Variants in TOM1L1 observed in about 807,000 individuals in gnomAD.
TOM1L1 encodes the protein target of myb1 like 1 membrane trafficking protein.
TOM1L1 carries 64 observed loss-of-function variants against 63.4 expected under a neutral mutation model. The ratio of observed to expected loss-of-function variants is 1.01; its 90% CI spans 0.83 to 1.24. The LOEUF is 1.24. Among genes scored for constraint, TOM1L1 ranks in the 50% most tolerant of loss-of-function variants. The probability of loss-of-function intolerance (pLI) is 0.00; values close to 1 mark genes in which losing one functional copy is unlikely to be tolerated. For synonymous variants in TOM1L1, 166 were observed against 194.4 expected (o/e 0.85, Z 1.22); for missense variants, 536 against 567.0 (o/e 0.95, Z 0.55).
At chr17:54,957,619 T>C (rs2144064116) in intron 14 of TOM1L1, 1 of 152,302 alleles carries the variant, frequency 6.6e-6, no homozygotes, top group South Asian at 2.1e-4. Context: ...CTCAGTTCTT[T>C]TGAAAGTCCC....
rs112593704 is a variant in TOM1L1, at chr17:54,905,239, A to G, written c.144-250A>G. 6.4e-3 allele frequency among the ~76,000 whole-genome samples: 977 copies of G among 152,322 alleles called. 10 individuals are homozygous for G. Among genetic ancestry groups the G allele is most frequent in the African/African-American group, 0.022 (927 of 41,570 alleles). ...GTGCATTTCATGGGTAGTACTTTCT[A>G]GGTAATAGTCTTGTACGAAAATATT... On this transcript the variant is annotated intron_variant, in intron 2 of 15. Transcript: ENST00000575882.
intron 15 of TOM1L1, 117 bp downstream of exon 15, chr17:54,960,744 AAT>A (rs1394463751): frequency 1.1e-5 from 8 of 732,068 alleles, no homozygotes; most frequent in Admixed American, 6.6e-5. Context: ...GACACTTTGA[AAT>A]ATGAGTTCCC....
intron 10 of TOM1L1, 117 bp downstream of exon 10, chr17:54,937,343 G>GCGCT (rs2048965942): frequency 1.2e-6 from 1 of 838,916 alleles, no homozygotes; most frequent in African/African-American, 1.7e-5. Flanking sequence ...GAATGTCAGA[G>GCGCT]CGCTATGTTA....
intron 8 of TOM1L1, among the ~76,000 whole-genome samples, chr17:54,934,479 G>A (rs748446421): frequency 6.6e-6 from 1 of 152,098 alleles, no homozygotes; most frequent in Non-Finnish European, 1.5e-5. Flanking sequence ...GAGGGTGGGC[G>A]TTACTGTATC....
chr17:54,928,593 G>T (rs906628702), intron 7 of TOM1L1, among the ~76,000 whole-genome samples: 7 of 152,092 alleles, frequency 4.6e-5, no homozygotes, highest in African/African-American at 1.7e-4. Context: ...ATTTTCCAGG[G>T]TTGCTTTTAC....
chr17:54,956,112 A>G (rs1456499125), intron 14 of TOM1L1, among the ~76,000 whole-genome samples: 3 of 152,188 alleles, frequency 2.0e-5, no homozygotes, highest in African/African-American at 7.2e-5. Flanking sequence ...AGATTCATTC[A>G]TCTGGTAATA....
At chr17:54,933,315 T>C (rs2048894377) in intron 8 of TOM1L1, among the ~76,000 whole-genome samples, 1 of 152,238 alleles carries the variant, frequency 6.6e-6, no homozygotes, top group Admixed American at 6.5e-5. Flanking sequence ...CCACCTTTAA[T>C]GACCTTTATG....
At chr17:54,952,421 C>G (rs1180852864) in intron 14 of TOM1L1, 1 of 151,874 alleles carries the variant, frequency 6.6e-6, no homozygotes, top group Non-Finnish European at 1.5e-5. Context: ...GTGGTGCGCA[C>G]CTGTAGTCCC....
intron 3 of TOM1L1, among the ~76,000 whole-genome samples, chr17:54,910,973 C>T (rs947015647): frequency 1.3e-5 from 2 of 152,182 alleles, no homozygotes; most frequent in African/African-American, 4.8e-5. Context: ...CTATCCTGGT[C>T]ATGCTATGGT....
intron 8 of TOM1L1, among the ~76,000 whole-genome samples, chr17:54,936,107 G>A (rs1240769532): frequency 1.3e-5 from 2 of 148,538 alleles, no homozygotes; most frequent in African/African-American, 5.0e-5. Context: ...TGGGCAACAA[G>A]AGCGAAACTC....
intron 3 of TOM1L1, among the ~76,000 whole-genome samples, chr17:54,908,759 T>C (rs1163160167): frequency 6.6e-6 from 1 of 152,134 alleles, no homozygotes; most frequent in Non-Finnish European, 1.5e-5. Context: ...AATGAGTCAA[T>C]TGTGATAAAT....
chr17:54,961,168 A>T lies in TOM1L1; in HGVS notation c.*2-67A>T, dbSNP rs2077113840. The T allele has an allele frequency of 1.1e-5, 12 of 1,087,268 alleles. No homozygotes were observed. The East Asian group carries it at 1.5e-4, about 14-fold the overall frequency. The allele number at this position is 1,087,268 out of a possible 1,614,324, so 67.4% of individuals were successfully genotyped here. A position where few individuals can be genotyped will look rare whatever the true frequency, so the allele number is the denominator to read the frequency against. ...TCCAGCTTCCCAGTAAAGACAAGAG[A>T]GTTATCAAGGAATGGGGAAAGAGAA... On this transcript the variant is annotated intron_variant, in intron 15 of 15. Coordinates refer to ENST00000575882, the MANE Select transcript of TOM1L1 (RefSeq NM_005486.3).
At chr17:54,945,922 A>T (rs1396540018) in intron 11 of TOM1L1, among the ~76,000 whole-genome samples, 1 of 152,108 alleles carries the variant, frequency 6.6e-6, no homozygotes, top group African/African-American at 2.4e-5. Flanking sequence ...GGTTCTTCAT[A>T]TGCCTCATAA....
chr17:54,912,791 G>C lies in TOM1L1; in HGVS notation c.348G>C (p.Gln116His). Residue 116 changes from glutamine (Q) to histidine (H), a missense_variant, in exon 4 of 16, where the codon CAG becomes CAC. Gln to His is a conservative substitution (Grantham distance 24). Transcript: ENST00000575882. ...GATACAACTTGCCATTAGACATTCA[G>C]AATAGAATCTTGAATTTCATTAAGG... Reference protein sequence around the residue: ...NPRYNLPLDIQNRILNFIKTW... With the variant: ...NPRYNLPLDIHNRILNFIKTW... 6.2e-7 allele frequency: 1 copy of C among 1,606,202 alleles called. No homozygotes were observed. Among genetic ancestry groups the C allele is most frequent in the Non-Finnish European group, 8.5e-7 (1 of 1,177,920 alleles).
Position 54,949,498 on chromosome 17 carries a change from ATG to A in TOM1L1, c.1183-16_1183-15del, listed in dbSNP as rs1489242783. 2.5e-6 allele frequency: 4 copies of A among 1,573,578 alleles called. No homozygotes were observed. The highest frequency in any genetic ancestry group is 3.3e-4 in the Middle Eastern group (2 of 6,016). ...CTTAATGTAGAACGTTTATATGAAC[ATG>A]TGTTATGCTTTCTTCAGTTTCTGGA... On this transcript the variant is annotated intron_variant, in intron 12 of 15. Coordinates refer to ENST00000575882, the MANE Select transcript of TOM1L1 (RefSeq NM_005486.3).
intron 3 of TOM1L1, among the ~76,000 whole-genome samples, chr17:54,907,723 G>T (rs1193952159): frequency 6.6e-6 from 1 of 151,736 alleles, no homozygotes; most frequent in African/African-American, 2.4e-5. Flanking sequence ...GTATATCTGG[G>T]ATATCTCAAG....
In TOM1L1 at chr17:54,937,147, C is replaced by G. The variant is rs148676510; in HGVS notation, c.954C>G (p.Leu318=). The change falls in exon 10 of 16, where the codon CTC becomes CTG. Residue 318 remains leucine (L), a synonymous_variant. Transcript: ENST00000575882. ...SEPSAPSQDL[L]DLSPSPRMPR... ...CTTCTGCCCCATCTCAAGATCTCCT[C>G]GACCTAAGTCCCAGTCCCCGGATGC... 2 of 1,613,006 alleles carry G rather than the reference C, an allele frequency of 1.2e-6. No homozygotes were observed. The highest frequency in any genetic ancestry group is 1.1e-5 in the South Asian group (1 of 91,050).
At chr17:54,921,112 G>A (rs544275799) in intron 7 of TOM1L1, among the ~76,000 whole-genome samples, 48 of 152,284 alleles carry the variant, frequency 3.2e-4, no homozygotes, top group East Asian at 7.7e-4. Flanking sequence ...TGTCCTTTGC[G>A]TCTGCTGAGA....
At chr17:54,921,132 G>C (rs1300229163) in intron 7 of TOM1L1, among the ~76,000 whole-genome samples, 2 of 152,164 alleles carry the variant, frequency 1.3e-5, no homozygotes, top group Non-Finnish European at 2.9e-5. Context: ...AACTCTACTG[G>C]AGATTGGCAG....
Sources: allele counts gnomAD v4.1 joint callset (sites outside exome capture counted in the v4.1 genomes callset), GRCh38; gene constraint gnomAD v4.1.1; transcripts MANE v1.5; gene names NCBI Gene and HGNC (gene_info 2026-07-23, HGNC 2026-07-21).